The following MED13L variants were observed in gnomAD, a reference collection of about 807,000 sequenced individuals.
MED13L encodes the protein mediator of RNA polymerase II transcription subunit 13-like.
A neutral mutation model predicts 220.9 loss-of-function variants in MED13L; 7 were observed. That is an observed-to-expected ratio of 0.03 (90% CI 0.02 to 0.06). The LOEUF is 0.06. MED13L is among the 10% of genes least tolerant of loss of function. The pLI is 1.00. For synonymous variants in MED13L, 1,011 were observed against 1,015.2 expected, an observed-to-expected ratio of 1.00 and a Z score of 0.08; for missense variants, 1,965 against 2,760.5, an observed-to-expected ratio of 0.71 and a Z score of 6.46.
At chr12:116,026,444 G>C (rs956714779) in intron 4 of MED13L, among the ~76,000 whole-genome samples, 3 of 152,168 alleles carry the variant, frequency 2.0e-5, no homozygotes, top group Non-Finnish European at 2.9e-5. Context: ...GAAGCCACCA[G>C]TAACTATATA....
chr12:116,046,311 C>T (rs1041911005), intron 4 of MED13L, among the ~76,000 whole-genome samples: 4 of 150,952 alleles, frequency 2.6e-5, no homozygotes, highest in African/African-American at 9.7e-5. Context: ...ATGAAGACAC[C>T]CATCCATTGA....
chr12:116,165,097 C>G (rs557177143), intron 2 of MED13L, among the ~76,000 whole-genome samples: 2 of 152,056 alleles, frequency 1.3e-5, no homozygotes, highest in Non-Finnish European at 2.9e-5. Context: ...CAAACAAGTA[C>G]AGCAGTCTTC....
Position 116,011,056 on chromosome 12 carries a change from T to G in MED13L, c.1280+1741A>C, listed in dbSNP as rs12819960. 6.1e-5 allele frequency among the ~76,000 whole-genome samples: 9 copies of G among 146,938 alleles called. 4 individuals are homozygous for G. The highest frequency in any genetic ancestry group is 2.3e-4 in the African/African-American group (9 of 39,898). ...CATGGCTGGCTAATTTGTGTTTTTG[T>G]TTTTTTTTTAAGTAGAAATGGGGTT... On this transcript the variant is annotated intron_variant, in intron 9 of 30. Coordinates refer to ENST00000281928, the MANE Select transcript of MED13L (RefSeq NM_015335.5).
rs115250874 is a variant in MED13L at position 116,012,180 on chromosome 12, A to G, written c.1280+617T>C. ...CTTATGCCCAGTTAAAGAATTTAAG[A>G]ACCCTAATGAAAACCTATGATGGTA... On this transcript the variant is annotated intron_variant, in intron 9 of 30. Coordinates refer to ENST00000281928, the MANE Select transcript of MED13L (RefSeq NM_015335.5). 1.9e-3 allele frequency among the ~76,000 whole-genome samples: 290 copies of G among 152,314 alleles called. 2 individuals carry two copies. The highest frequency in any genetic ancestry group is 6.6e-3 in the African/African-American group (274 of 41,570).
At chr12:115,999,390 C>CAA (rs1005449097) in intron 14 of MED13L, among the ~76,000 whole-genome samples, 3 of 138,828 alleles carry the variant, frequency 2.2e-5, no homozygotes, top group Non-Finnish European at 4.7e-5. Context: ...GACTCTGTCT[C>CAA]AAAAAAAAAA....
intron 4 of MED13L, among the ~76,000 whole-genome samples, chr12:116,029,447 C>A (rs1265108921): frequency 2.0e-5 from 3 of 151,972 alleles, no homozygotes; most frequent in African/African-American, 7.2e-5. Context: ...ATTAAACCTA[C>A]TGAAAAGACA....
At chr12:116,034,571 C>T (rs997454353) in intron 4 of MED13L, among the ~76,000 whole-genome samples, 4 of 152,162 alleles carry the variant, frequency 2.6e-5, no homozygotes, top group Non-Finnish European at 5.9e-5. Context: ...CTAAGGTAGC[C>T]TATATTCTCT....
intron 2 of MED13L, among the ~76,000 whole-genome samples, chr12:116,137,852 ATTTTT>A (rs5801166): frequency 1.7e-5 from 2 of 118,482 alleles, no homozygotes; most frequent in Admixed American, 9.2e-5. Context: ...TAATGAGGTA[ATTTTT>A]TTTTTTTTTT....
At chr12:116,141,234 T>C (rs971285408) in intron 2 of MED13L, among the ~76,000 whole-genome samples, 1 of 152,212 alleles carries the variant, frequency 6.6e-6, no homozygotes, top group South Asian at 2.1e-4. Context: ...TAACATTCTG[T>C]ATTCAAACCA....
intron 1 of MED13L, among the ~76,000 whole-genome samples, chr12:116,264,243 C>T (rs1872685390): frequency 1.3e-5 from 2 of 151,778 alleles, no homozygotes; most frequent in Admixed American, 1.3e-4. Flanking sequence ...AGGAAAAGGA[C>T]AAAAAAAATT....
intron 1 of MED13L, among the ~76,000 whole-genome samples, chr12:116,253,744 GTTTTTTTTGTTTTTTTTTT>G (rs1296655327): frequency 9.2e-6 from 1 of 108,686 alleles, no homozygotes; most frequent in Non-Finnish European, 1.9e-5. Flanking sequence ...CACCTTCACG[GTTTTTTTTGTTTTTTTTTT>G]TTTTTTTTTT....
chr12:116,073,725 CAT>C (rs1339732972), intron 4 of MED13L, among the ~76,000 whole-genome samples: 1 of 152,192 alleles, frequency 6.6e-6, no homozygotes, highest in Non-Finnish European at 1.5e-5. Flanking sequence ...GCTTTCCAAA[CAT>C]ATGTCAGTAA....
intron 26 of MED13L, among the ~76,000 whole-genome samples, 188 bp from the exon 27 acceptor site, chr12:115,970,958 C>T (rs745912731): frequency 1.3e-5 from 2 of 152,004 alleles, no homozygotes; most frequent in Non-Finnish European, 2.9e-5. Flanking sequence ...CTATAATAAC[C>T]CAAGTTTCAT....
chr12:115,975,856 C>T lies in MED13L; in HGVS notation c.5365-118G>A, dbSNP rs191759050. ...AGTAATGGTAGTAAATCGTTTCTCT[C>T]TCTCTCTCTCCAGTACTAGAGACAC... is the stretch of plus-strand genomic sequence containing the variant. On this transcript the variant is annotated intron_variant, in intron 23 of 30. Coordinates refer to ENST00000281928, the MANE Select transcript of MED13L (RefSeq NM_015335.5). 11 of 883,602 alleles carry T rather than the reference C, an allele frequency of 1.2e-5. No individual in the cohort carries two copies. The African/African-American group carries it at 1.7e-4, about 13-fold the overall frequency. 54.7% of individuals were successfully genotyped at this position (883,602 alleles called of 1,614,324 possible).
intron 4 of MED13L, among the ~76,000 whole-genome samples, chr12:116,091,812 A>C (rs376491662): frequency 1.3e-4 from 20 of 152,196 alleles, no homozygotes; most frequent in Non-Finnish European, 2.8e-4. Flanking sequence ...ACAGCTGATC[A>C]ATCTTGAAAC....
chr12:116,250,936 GA>G (rs1871496011), intron 1 of MED13L, among the ~76,000 whole-genome samples: 2 of 151,702 alleles, frequency 1.3e-5, no homozygotes, highest in African/African-American at 4.8e-5. Context: ...GCCAGAAGGA[GA>G]AAATGGGAGG....
chr12:116,175,880 G>A lies in MED13L; in HGVS notation c.310+61588C>T, dbSNP rs7973989. 6.6e-3 allele frequency among the ~76,000 whole-genome samples: 1,012 copies of A among 152,262 alleles called. 9 individuals are homozygous for A. The highest frequency in any genetic ancestry group is 0.023 in the African/African-American group (950 of 41,548). ...AGGAGGGTCATTAATAAATGCAGAT[G>A]ATTAACAAAATCATGTCAAATATGA... On this transcript the variant is annotated intron_variant, in intron 2 of 30. Coordinates refer to ENST00000281928, the MANE Select transcript of MED13L (RefSeq NM_015335.5).
intron 2 of MED13L, among the ~76,000 whole-genome samples, chr12:116,204,035 G>C (rs1882166583): frequency 6.6e-6 from 1 of 152,174 alleles, no homozygotes; most frequent in African/African-American, 2.4e-5. Context: ...CTTTCAGAAG[G>C]CTTCAATATG....
chr12:116,250,025 T>TAAAAAAAAAAAAAA (rs71095516), intron 1 of MED13L, among the ~76,000 whole-genome samples: 12 of 40,466 alleles, frequency 3.0e-4, no homozygotes, highest in Non-Finnish European at 5.1e-4. Context: ...CAGCATAAAC[T>TAAAAAAAAAAAAAA]AAAAAAAAAA....
Sources: allele counts gnomAD v4.1 joint callset (sites outside exome capture counted in the v4.1 genomes callset), GRCh38; gene constraint gnomAD v4.1.1; transcripts MANE v1.5; gene names NCBI Gene and HGNC (gene_info 2026-07-23, HGNC 2026-07-21).